Variants in SFMBT2 observed in about 807,000 individuals in gnomAD.
SFMBT2 encodes the protein Scm like with four mbt domains 2.
A neutral mutation model predicts 110.1 loss-of-function variants in SFMBT2; 38 were observed. The observed-to-expected ratio is 0.35, with a 90% CI of 0.27 to 0.45. SFMBT2 has a LOEUF of 0.45. Among genes scored for constraint, SFMBT2 ranks in the 20% least tolerant of loss-of-function variants. The pLI is 1.00. For synonymous variants in SFMBT2, 425 were observed against 425.4 expected (o/e 1.00, Z 0.01); for missense variants, 1,011 against 1,094.9 (o/e 0.92, Z 1.08).
chr10:7,377,942 T>C (rs1011715908), intron 2 of SFMBT2, among the ~76,000 whole-genome samples: 5 of 110,740 alleles, frequency 4.5e-5, no homozygotes, highest in African/African-American at 1.7e-4. Flanking sequence ...GTTGTGTCTG[T>C]ACCCCCAAAA....
At chr10:7,315,174 G>A (rs1379985952) in intron 4 of SFMBT2, among the ~76,000 whole-genome samples, 1 of 152,224 alleles carries the variant, frequency 6.6e-6, no homozygotes, top group Admixed American at 6.5e-5. Context: ...TCCCCTGTGA[G>A]GGTCCATTGT....
chr10:7,262,554 C>T (rs74605168), intron 7 of SFMBT2, among the ~76,000 whole-genome samples: 5,630 of 152,210 alleles, frequency 0.037, 161 homozygotes, highest in African/African-American at 0.083. Flanking sequence ...GAATTATCCG[C>T]GGTAAGCAGA....
At position 7,410,903 on chromosome 10, in the gene SFMBT2, G is replaced by C. The variant is rs1026218448; in HGVS notation, c.-94C>G. Reference sequence around the variant, plus strand: ...GCCCTCGGCGTGGACCCAGGCCCCGGTCGCCGCCCGGGAGGGCACCGGCCT... The same window carrying C: ...GCCCTCGGCGTGGACCCAGGCCCCGCTCGCCGCCCGGGAGGGCACCGGCCT... On this transcript the variant is annotated 5_prime_UTR_variant, in exon 1 of 21. Transcript: ENST00000397167. Among the ~76,000 whole-genome samples the C allele has an allele frequency of 6.6e-6, 1 of 151,140 alleles. No individual in the cohort carries two copies. Among genetic ancestry groups the C allele is most frequent in the Admixed American group, 6.6e-5 (1 of 15,224 alleles).
At chr10:7,373,154 G>A (rs527647442) in intron 2 of SFMBT2, among the ~76,000 whole-genome samples, 6 of 152,292 alleles carry the variant, frequency 3.9e-5, no homozygotes, top group Non-Finnish European at 7.4e-5. Context: ...TCCCTCAGGG[G>A]TGAGTTCTGG....
chr10:7,232,011 G>C (rs1203592223), intron 9 of SFMBT2, among the ~76,000 whole-genome samples: 1 of 152,182 alleles, frequency 6.6e-6, no homozygotes, highest in African/African-American at 2.4e-5. Context: ...TAAACCTGGA[G>C]GGAGGGAGGA....
At chr10:7,220,590 G>T (rs541497379) in intron 10 of SFMBT2, 53 bp from the exon 11 acceptor site, 3 of 1,604,234 alleles carry the variant, frequency 1.9e-6, no homozygotes, top group Non-Finnish European at 1.7e-6. Flanking sequence ...GCAGGACAAA[G>T]CTGGGCAGAT....
chr10:7,406,465 TAAA>T (rs76194396), intron 1 of SFMBT2, among the ~76,000 whole-genome samples: 5 of 120,012 alleles, frequency 4.2e-5, no homozygotes, highest in Non-Finnish European at 5.4e-5. Context: ...GGGCAGTGGT[TAAA>T]AAAAAAAAAA....
chr10:7,195,039 G>A (rs2131589980), intron 15 of SFMBT2, among the ~76,000 whole-genome samples: 1 of 152,332 alleles, frequency 6.6e-6, no homozygotes, highest in South Asian at 2.1e-4. Flanking sequence ...AAGCCCATCA[G>A]CTCTCCGTAT....
intron 4 of SFMBT2, among the ~76,000 whole-genome samples, chr10:7,353,037 A>G (rs956277741): frequency 6.6e-5 from 10 of 151,742 alleles, no homozygotes; most frequent in African/African-American, 2.2e-4. Flanking sequence ...ATAAATAAAT[A>G]AATAAAATAA....
intron 15 of SFMBT2, among the ~76,000 whole-genome samples, chr10:7,196,832 C>A (rs1838784875): frequency 6.6e-6 from 1 of 152,092 alleles, no homozygotes; most frequent in Non-Finnish European, 1.5e-5. Context: ...GAAACTATTC[C>A]AAATTTCCAA....
At chr10:7,389,451 G>GT (rs1464086384) in intron 1 of SFMBT2, among the ~76,000 whole-genome samples, 5 of 152,134 alleles carry the variant, frequency 3.3e-5, no homozygotes, top group Non-Finnish European at 5.9e-5. Context: ...TAAAGTAACA[G>GT]TTTTTTCCAA....
chr10:7,222,139 A>G (rs1189404246), intron 10 of SFMBT2, among the ~76,000 whole-genome samples: 1 of 152,214 alleles, frequency 6.6e-6, no homozygotes, highest in Non-Finnish European at 1.5e-5. Context: ...TTCACTTAGT[A>G]TAATACACTG....
chr10:7,344,832 G>A (rs12264667), intron 4 of SFMBT2, among the ~76,000 whole-genome samples: 3,675 of 151,650 alleles, frequency 0.024, 153 homozygotes, highest in African/African-American at 0.083. Flanking sequence ...AGTGGCGGGT[G>A]CCTGTAGTCC....
chr10:7,257,428 C>T (rs933116920), intron 7 of SFMBT2, among the ~76,000 whole-genome samples: 2 of 152,282 alleles, frequency 1.3e-5, no homozygotes, highest in East Asian at 3.9e-4. Flanking sequence ...TGAACCATCG[C>T]TGCGGGAGAA....
rs57497418 is a variant in SFMBT2 at position 7,179,391 on chromosome 10, GAAAA to G, written c.1809-3230_1809-3227del. Among the ~76,000 whole-genome samples the G allele has an allele frequency of 3.5e-3, 248 of 70,320 alleles. 1 individual carries two copies. In the East Asian group the frequency reaches 0.062, roughly 17 times the overall value. 46.1% of individuals were successfully genotyped at this position (70,320 alleles called of 152,430 possible). ...TGCTTATTGCTTTTGTTGCATTTTC[GAAAA>G]AAAAAAAAAAAAAAAAAAAAACAAA... is the stretch of plus-strand genomic sequence containing the variant. On this transcript the variant is annotated intron_variant, in intron 16 of 20. Transcript: ENST00000397167.
chr10:7,318,749 G>A (rs1046828297), intron 4 of SFMBT2, among the ~76,000 whole-genome samples: 4 of 152,240 alleles, frequency 2.6e-5, no homozygotes, highest in Admixed American at 2.6e-4. Flanking sequence ...TAGGACAGAC[G>A]AATGGTCAAG....
intron 4 of SFMBT2, chr10:7,292,363 T>A (rs1588423860): frequency 5.0e-6 from 1 of 200,540 alleles, no homozygotes; most frequent in African/African-American, 2.3e-5. Flanking sequence ...CCTTGGAGAT[T>A]TGTAAAGGAG....
intron 20 of SFMBT2, among the ~76,000 whole-genome samples, chr10:7,169,984 T>A (rs545385849): frequency 5.9e-5 from 9 of 152,154 alleles, no homozygotes; most frequent in Admixed American, 2.6e-4. Flanking sequence ...AAGAAAACAA[T>A]GACGAAAGCA....
rs1474533823 is a variant in SFMBT2 at position 7,309,337 on chromosome 10, T to C, written c.437-23383A>G. Among the ~76,000 whole-genome samples, 4 of 152,228 alleles carry C rather than the reference T, an allele frequency of 2.6e-5. No homozygotes were observed. The East Asian group carries it at 5.8e-4, about 22-fold the overall frequency. On this transcript the variant is annotated intron_variant, in intron 4 of 20. Coordinates refer to ENST00000397167, the MANE Select transcript of SFMBT2 (RefSeq NM_001387889.1). ...CTGTTCACATAATCCATGTCAGAGA[T>C]TGATGGTCTCATCAGCCAGGTACAC... is the stretch of plus-strand genomic sequence containing the variant.
Sources: gnomAD v4.1 joint callset for allele counts (sites outside exome capture counted in the v4.1 genomes callset) on GRCh38, gnomAD v4.1.1 for gene constraint, MANE v1.5 for transcripts, NCBI Gene and HGNC (gene_info 2026-07-23, HGNC 2026-07-21) for gene names.